TRPC4AP: variants seen among roughly 807,000 people sequenced by gnomAD.
TRPC4AP encodes the protein transient receptor potential cation channel subfamily C member 4 associated protein.
In TRPC4AP, 45 loss-of-function variants were observed where a neutral mutation model predicts 99.0. The ratio of observed to expected loss-of-function variants is 0.45; its 90% confidence interval spans 0.36 to 0.58. The LOEUF (loss-of-function observed/expected upper bound fraction) is 0.58, where lower values mean the gene tolerates loss of function less well. Among genes scored for constraint, TRPC4AP ranks in the 20% least tolerant of loss-of-function variants. TRPC4AP has a pLI of 0.00. For synonymous variants in TRPC4AP, 408 were observed against 385.8 expected (o/e 1.06, Z -0.67); for missense variants, 879 against 985.3 (o/e 0.89, Z 1.44).
chr20:35,040,813 C>T (rs143351375), intron 7 of TRPC4AP, among the ~76,000 whole-genome samples: 2 of 152,212 alleles, frequency 1.3e-5, no homozygotes, highest in East Asian at 3.9e-4. Context: ...CGCCTGTGAT[C>T]GTGTGAGCCA....
intron 9 of TRPC4AP, among the ~76,000 whole-genome samples, chr20:35,017,355 G>T (rs1275037310): frequency 6.6e-6 from 1 of 152,202 alleles, no homozygotes; most frequent in East Asian, 1.9e-4. Context: ...AAAATTAGCT[G>T]CTTCATGGAA....
At chr20:35,017,669 G>A (rs1006297226) in intron 9 of TRPC4AP, among the ~76,000 whole-genome samples, 3 of 152,158 alleles carry the variant, frequency 2.0e-5, no homozygotes, top group African/African-American at 2.4e-5. Flanking sequence ...TCTTAAGTCT[G>A]CCCCTTTCTA....
chr20:35,056,985 C>CAAAAAAATAA (rs2083845851), intron 4 of TRPC4AP, among the ~76,000 whole-genome samples: 1 of 90,276 alleles, frequency 1.1e-5, no homozygotes, highest in Non-Finnish European at 2.1e-5. Context: ...GAGACTGTCT[C>CAAAAAAATAA]AAAAAAAAAA....
At chr20:35,035,396 G>A in intron 7 of TRPC4AP, 88 bp from the exon 8 acceptor site, 1 of 1,336,352 alleles carries the variant, frequency 7.5e-7, no homozygotes, top group East Asian at 2.4e-5. Context: ...CTGCATGATA[G>A]GAATAATTCT....
intron 5 of TRPC4AP, among the ~76,000 whole-genome samples, chr20:35,054,397 T>A (rs1201659464): frequency 1.3e-5 from 2 of 152,222 alleles, no homozygotes; most frequent in Non-Finnish European, 2.9e-5. Flanking sequence ...AAATCTATGA[T>A]GTTAATACAA....
Position 35,054,907 on chromosome 20 carries a change from T to C in TRPC4AP, c.528+69A>G, listed in dbSNP as rs938943853. The C allele has an allele frequency of 6.6e-6, 9 of 1,357,716 alleles. No homozygotes were observed. The African/African-American group carries it at 1.2e-4, about 18-fold the overall frequency. 84.1% of individuals were successfully genotyped at this position (1,357,716 alleles called of 1,614,324 possible). The stretch of plus-strand genomic sequence containing the variant: ...TCTTATGTCTGCCATTCTACTCGAA[T>C]ATTCCCATCTTAAACATTGCAGACC... On this transcript the variant is annotated intron_variant, in intron 5 of 18. Coordinates refer to ENST00000252015, the MANE Select transcript of TRPC4AP (RefSeq NM_015638.3).
At chr20:35,041,307 C>T (rs1233810449) in intron 7 of TRPC4AP, among the ~76,000 whole-genome samples, 1 of 152,146 alleles carries the variant, frequency 6.6e-6, no homozygotes, top group Non-Finnish European at 1.5e-5. Flanking sequence ...TAATTATGTC[C>T]ACCAGCTTGG....
chr20:35,019,123 A>C (rs778585467), intron 9 of TRPC4AP, among the ~76,000 whole-genome samples: 8 of 152,176 alleles, frequency 5.3e-5, no homozygotes, highest in Non-Finnish European at 8.8e-5. Context: ...CTCTTTAAGG[A>C]GGAAGCCTTC....
intron 18 of TRPC4AP, 39 bp from the exon 19 acceptor site, chr20:35,003,322 C>T (rs751592821): frequency 1.9e-6 from 3 of 1,613,722 alleles, no homozygotes; most frequent in Non-Finnish European, 2.5e-6. Context: ...GCCTGGAGGA[C>T]CCAGGTCAAG....
At position 35,013,345 on chromosome 20, in the gene TRPC4AP, C is replaced by T. The variant is rs144753319; in HGVS notation, c.1351-279G>A. On this transcript the variant is annotated intron_variant, in intron 10 of 18. Transcript: ENST00000252015. The stretch of plus-strand genomic sequence containing the variant: ...CTGTAATCACAGCACTTTGGGAGGC[C>T]GAGGCGGGCAGATCGCTTGAGGTCA... Among the ~76,000 whole-genome samples the T allele has an allele frequency of 1.5e-3, 231 of 152,202 alleles. 1 individual carries two copies. Among genetic ancestry groups the T allele is most frequent in the African/African-American group, 5.3e-3 (220 of 41,520 alleles).
intron 16 of TRPC4AP, 36 bp from the exon 17 acceptor site, chr20:35,004,606 T>C: frequency 6.3e-7 from 1 of 1,590,838 alleles, no homozygotes; most frequent in Non-Finnish European, 8.6e-7. Flanking sequence ...AGGTCAGGCT[T>C]AGGCCCAGTG....
chr20:35,037,164 G>A (rs542334446), intron 7 of TRPC4AP, among the ~76,000 whole-genome samples: 3 of 151,972 alleles, frequency 2.0e-5, no homozygotes, highest in African/African-American at 7.2e-5. Context: ...GGCTAACACG[G>A]TGAAACCCCA....
chr20:35,047,754 G>T (rs1418819256), intron 6 of TRPC4AP, among the ~76,000 whole-genome samples: 1 of 152,108 alleles, frequency 6.6e-6, no homozygotes, highest in African/African-American at 2.4e-5. Flanking sequence ...TACTTGGCTG[G>T]TAGACCCGAT....
At chr20:35,010,315 A>C (rs749885297) in intron 11 of TRPC4AP, 27 bp from the exon 12 acceptor site, 2 of 1,600,262 alleles carry the variant, frequency 1.2e-6, no homozygotes, top group South Asian at 2.2e-5. Flanking sequence ...TGGAGGAGGT[A>C]AAGGACAGGA....
intron 5 of TRPC4AP, among the ~76,000 whole-genome samples, chr20:35,052,510 T>G (rs1174072146): frequency 6.6e-6 from 1 of 152,148 alleles, no homozygotes; most frequent in East Asian, 1.9e-4. Flanking sequence ...TTATCTTTTA[T>G]TTTTTGAGAG....
intron 6 of TRPC4AP, among the ~76,000 whole-genome samples, chr20:35,049,054 C>T (rs1569120595): frequency 6.6e-6 from 1 of 152,096 alleles, no homozygotes; most frequent in Admixed American, 6.5e-5. Flanking sequence ...GGCTGCTCAA[C>T]AGGAAGAGAA....
intron 8 of TRPC4AP, among the ~76,000 whole-genome samples, chr20:35,029,850 G>A (rs1199033667): frequency 2.7e-5 from 4 of 147,188 alleles, no homozygotes; most frequent in Admixed American, 6.7e-5. Flanking sequence ...GTTAGCCAGG[G>A]TGGTCTCGAT....
In TRPC4AP at chr20:35,003,110, CA is replaced by C. The variant is rs1280207892; in HGVS notation, c.*35del. ...GTGGCATCGTACCCACGCTCACCCA[CA>C]CTGGCCCAGCAGCCTCCCGAGGCCT... On this transcript the variant is annotated 3_prime_UTR_variant, in exon 19 of 19. Coordinates refer to ENST00000252015, the MANE Select transcript of TRPC4AP (RefSeq NM_015638.3). The C allele has an allele frequency of 1.9e-6, 3 of 1,612,396 alleles. No homozygotes were observed. The highest frequency in any genetic ancestry group is 1.3e-5 in the African/African-American group (1 of 74,914).
At chr20:35,039,145 G>A (rs1424094745) in intron 7 of TRPC4AP, among the ~76,000 whole-genome samples, 1 of 152,084 alleles carries the variant, frequency 6.6e-6, no homozygotes, top group Non-Finnish European at 1.5e-5. Context: ...TCTTCACATA[G>A]CTGGATTTTT....
Sources: gnomAD v4.1 joint callset for allele counts (sites outside exome capture counted in the v4.1 genomes callset) on GRCh38, gnomAD v4.1.1 for gene constraint, MANE v1.5 for transcripts, NCBI Gene and HGNC (gene_info 2026-07-23, HGNC 2026-07-21) for gene names.